The following KPNA6 variants were observed in gnomAD, a reference collection of about 807,000 sequenced individuals.
KPNA6 encodes the protein karyopherin subunit alpha 6.
KPNA6 carries 9 observed loss-of-function variants against 72.0 expected under a neutral mutation model. The ratio of observed to expected loss-of-function variants is 0.13; its 90% CI spans 0.08 to 0.22. The LOEUF (loss-of-function observed/expected upper bound fraction) is 0.22, where lower values mean the gene tolerates loss of function less well. Ranked by LOEUF, KPNA6 falls within the 10% of genes least tolerant of loss-of-function variation. KPNA6 has a pLI of 1.00. For synonymous variants in KPNA6, 219 were observed against 242.1 expected (o/e 0.90, Z 0.89); for missense variants, 374 against 655.7 (o/e 0.57, Z 4.69).
At chr1:32,156,131 C>G (rs1242782932) in intron 2 of KPNA6, among the ~76,000 whole-genome samples, 3 of 150,562 alleles carry the variant, frequency 2.0e-5, no homozygotes, top group African/African-American at 7.3e-5. Flanking sequence ...AAGACAGGAT[C>G]TTGCCCTGTT....
chr1:32,154,984 G>A (rs929234322), intron 2 of KPNA6, among the ~76,000 whole-genome samples: 3 of 151,902 alleles, frequency 2.0e-5, no homozygotes, highest in Non-Finnish European at 2.9e-5. Context: ...GGTGGCATGC[G>A]CCTGCAATCT....
chr1:32,118,018 G>C (rs1641357871), intron 1 of KPNA6, among the ~76,000 whole-genome samples: 1 of 151,844 alleles, frequency 6.6e-6, no homozygotes, highest in Non-Finnish European at 1.5e-5. Flanking sequence ...CTGCCTCCCA[G>C]TTCAAACTAT....
chr1:32,160,539 C>A, intron 6 of KPNA6, 76 bp from the exon 7 acceptor site: 1 of 1,111,912 alleles, frequency 9.0e-7, no homozygotes, highest in Non-Finnish European at 1.4e-6. Flanking sequence ...TGGGTACTCA[C>A]TTTGCAGTTG....
chr1:32,138,608 GCTC>G (rs1641784301), intron 1 of KPNA6, among the ~76,000 whole-genome samples: 1 of 151,936 alleles, frequency 6.6e-6, no homozygotes. Flanking sequence ...TGGAGTGGGG[GCTC>G]CTCCTGCTGA....
intron 2 of KPNA6, 76 bp from the exon 3 acceptor site, chr1:32,156,777 C>T: frequency 8.9e-7 from 1 of 1,118,522 alleles, no homozygotes; most frequent in Non-Finnish European, 1.3e-6. Context: ...TCAGTTATGC[C>T]ATAATTTAAC....
At chr1:32,156,455 C>T (rs748215743) in intron 2 of KPNA6, among the ~76,000 whole-genome samples, 6 of 152,154 alleles carry the variant, frequency 3.9e-5, no homozygotes, top group Non-Finnish European at 7.3e-5. Flanking sequence ...TGAACACAAG[C>T]AATTGCCACC....
intron 1 of KPNA6, among the ~76,000 whole-genome samples, chr1:32,143,597 A>G (rs986073641): frequency 6.6e-6 from 1 of 151,732 alleles, no homozygotes; most frequent in Admixed American, 6.6e-5. Context: ...GAAAAGAAAA[A>G]AAAATTATTA....
chr1:32,164,454 A>G (rs748855915), intron 10 of KPNA6, among the ~76,000 whole-genome samples: 83 of 152,266 alleles, frequency 5.5e-4, no homozygotes, highest in South Asian at 2.5e-3. Flanking sequence ...GGGACACCAT[A>G]CTGTTCTGCA....
At chr1:32,152,321 CT>C (rs1382031628) in intron 1 of KPNA6, among the ~76,000 whole-genome samples, 1 of 151,954 alleles carries the variant, frequency 6.6e-6, no homozygotes, top group Non-Finnish European at 1.5e-5. Context: ...GAGGGAGGCC[CT>C]ATCTCAAAAA....
At chr1:32,135,186 G>C (rs529060031) in intron 1 of KPNA6, among the ~76,000 whole-genome samples, 1 of 152,276 alleles carries the variant, frequency 6.6e-6, no homozygotes, top group East Asian at 1.9e-4. Context: ...TCCTGCTTCA[G>C]CCTCCCAAGT....
At chr1:32,135,025 C>T (rs922286073) in intron 1 of KPNA6, among the ~76,000 whole-genome samples, 2 of 151,800 alleles carry the variant, frequency 1.3e-5, no homozygotes, top group South Asian at 4.2e-4. Context: ...CCTGCCTCAG[C>T]CTCCTGAGTA....
At chr1:32,113,115 T>C (rs1215877447) in intron 1 of KPNA6, among the ~76,000 whole-genome samples, 1 of 152,148 alleles carries the variant, frequency 6.6e-6, no homozygotes, top group Admixed American at 6.6e-5. Context: ...AATCTGCCGG[T>C]CTTGGTGGCT....
rs756658262 is a variant in KPNA6 at position 32,170,837 on chromosome 1, G to T, written c.1554G>T (p.Thr518=). The change falls in exon 14 of 14, where the codon ACG becomes ACT. Residue 518 remains threonine, a synonymous_variant. Coordinates refer to ENST00000373625, the MANE Select transcript of KPNA6 (RefSeq NM_012316.5). The stretch of plus-strand genomic sequence containing the variant: ...GCCTGGCTCCCCAAGTCGATGAAAC[G>T]CAACAGCAGTTCATCTTCCAGCAGC... ...DSSLAPQVDE[T]QQQFIFQQPE... is the part of the protein sequence containing the mutation. 3.1e-6 allele frequency: 5 copies of T among 1,614,074 alleles called. No individual in the cohort carries two copies. In the South Asian group the frequency reaches 4.4e-5, roughly 14 times the overall value.
intron 1 of KPNA6, among the ~76,000 whole-genome samples, chr1:32,124,308 G>A (rs920165938): frequency 2.6e-5 from 4 of 151,928 alleles, no homozygotes; most frequent in African/African-American, 9.7e-5. Context: ...AGGAGGTAGA[G>A]GCTGTAGTGA....
At chr1:32,165,497 C>T (rs965324563) in intron 10 of KPNA6, among the ~76,000 whole-genome samples, 1 of 150,652 alleles carries the variant, frequency 6.6e-6, no homozygotes, top group Non-Finnish European at 1.5e-5. Context: ...GAGACCAGCC[C>T]TGCAACATGG....
chr1:32,141,841 G>A (rs1049207317), intron 1 of KPNA6, among the ~76,000 whole-genome samples: 4 of 152,262 alleles, frequency 2.6e-5, no homozygotes, highest in African/African-American at 7.2e-5. Flanking sequence ...AGGAGTCGGT[G>A]CCTTATTTAG....
chr1:32,139,379 G>A (rs1250011871), intron 1 of KPNA6, among the ~76,000 whole-genome samples: 2 of 152,160 alleles, frequency 1.3e-5, no homozygotes, highest in African/African-American at 4.8e-5. Flanking sequence ...AACAGGAAGT[G>A]CAAAGGCTAT....
intron 1 of KPNA6, among the ~76,000 whole-genome samples, chr1:32,131,298 A>G (rs184655791): frequency 3.8e-4 from 58 of 152,284 alleles, no homozygotes; most frequent in African/African-American, 1.3e-3. Flanking sequence ...CATCTCAAAA[A>G]GAAGAAATCT....
chr1:32,157,016 C>T, intron 3 of KPNA6, 71 bp downstream of exon 3: 1 of 1,099,582 alleles, frequency 9.1e-7, no homozygotes, highest in Non-Finnish European at 1.4e-6. Flanking sequence ...TTGGGCCGTT[C>T]ACATCATCTA....
Sources: allele counts gnomAD v4.1 joint callset (sites outside exome capture counted in the v4.1 genomes callset), GRCh38; gene constraint gnomAD v4.1.1; transcripts MANE v1.5; gene names NCBI Gene and HGNC (gene_info 2026-07-23, HGNC 2026-07-21).